Variants in PTPRM observed in about 807,000 individuals in gnomAD.
PTPRM encodes protein tyrosine phosphatase receptor type M, also known as receptor-type tyrosine-protein phosphatase mu.
In PTPRM, 47 loss-of-function variants were observed where a neutral mutation model predicts 186.7. The ratio of observed to expected loss-of-function variants is 0.25; its 90% CI spans 0.20 to 0.32. PTPRM has a LOEUF of 0.32. PTPRM is among the 10% of genes least tolerant of loss of function. The pLI, the probability that PTPRM is intolerant of heterozygous loss-of-function variation, is 1.00. For missense variants in PTPRM, 1,494 were observed against 1,865.0 expected (o/e 0.80, Z 3.66); for synonymous variants, 668 against 674.9 (o/e 0.99, Z 0.16).
chr18:7,699,965 C>G (rs1237210474), intron 1 of PTPRM, among the ~76,000 whole-genome samples: 1 of 152,044 alleles, frequency 6.6e-6, no homozygotes, highest in African/African-American at 2.4e-5. Context: ...GCATCCTTTC[C>G]CTCATTGCAC....
intron 14 of PTPRM, among the ~76,000 whole-genome samples, chr18:8,220,062 G>A (rs1325615803): frequency 6.6e-6 from 1 of 152,126 alleles, no homozygotes; most frequent in Non-Finnish European, 1.5e-5. Flanking sequence ...GTTCCTCTTG[G>A]CTACAAGTCA....
At chr18:8,020,616 C>G (rs1291902021) in intron 7 of PTPRM, among the ~76,000 whole-genome samples, 1 of 152,166 alleles carries the variant, frequency 6.6e-6, no homozygotes, top group Non-Finnish European at 1.5e-5. Context: ...GGTGTCTCTG[C>G]TTAATCAGCT....
At chr18:8,313,096 G>C (rs961191204) in intron 20 of PTPRM, among the ~76,000 whole-genome samples, 2 of 152,110 alleles carry the variant, frequency 1.3e-5, no homozygotes, top group African/African-American at 2.4e-5. Context: ...AGGATAAAAG[G>C]GTCCGTCATC....
At chr18:8,344,167 C>T (rs958329813) in intron 23 of PTPRM, among the ~76,000 whole-genome samples, 3 of 152,032 alleles carry the variant, frequency 2.0e-5, no homozygotes, top group African/African-American at 7.2e-5. Context: ...GCCTTTTTTA[C>T]AGTAGGTTGA....
chr18:7,706,268 A>G (rs1264949609), intron 1 of PTPRM, among the ~76,000 whole-genome samples: 1 of 151,826 alleles, frequency 6.6e-6, no homozygotes, highest in African/African-American at 2.4e-5. Context: ...GTCAGTTTTT[A>G]ATTCCTTATT....
intron 9 of PTPRM, among the ~76,000 whole-genome samples, chr18:8,081,393 T>C (rs1228906401): frequency 6.6e-6 from 1 of 152,128 alleles, no homozygotes; most frequent in Admixed American, 6.6e-5. Context: ...TGCAGCAACG[T>C]TTTTTACAGA....
At chr18:7,734,878 A>G (rs891911485) in intron 1 of PTPRM, among the ~76,000 whole-genome samples, 1 of 152,132 alleles carries the variant, frequency 6.6e-6, no homozygotes, top group African/African-American at 2.4e-5. Flanking sequence ...CTCCTCTCTT[A>G]GTTTCAGTGC....
chr18:8,133,036 C>T (rs538681789), intron 13 of PTPRM, among the ~76,000 whole-genome samples: 1 of 152,210 alleles, frequency 6.6e-6, no homozygotes, highest in South Asian at 2.1e-4. Flanking sequence ...CTGGTAGGGT[C>T]ATCTCATGAC....
intron 14 of PTPRM, among the ~76,000 whole-genome samples, chr18:8,197,259 C>CTATT (rs1289090647): frequency 1.3e-5 from 2 of 152,116 alleles, no homozygotes; most frequent in African/African-American, 4.8e-5. Flanking sequence ...AAGGATGTTG[C>CTATT]TATTTACTCA....
At chr18:8,281,709 C>T (rs552635807) in intron 19 of PTPRM, among the ~76,000 whole-genome samples, 3 of 152,208 alleles carry the variant, frequency 2.0e-5, no homozygotes, top group South Asian at 4.1e-4. Context: ...GGTCCACAGA[C>T]GCATTTGAAG....
intron 7 of PTPRM, among the ~76,000 whole-genome samples, chr18:8,031,651 G>A (rs1227873380): frequency 6.6e-6 from 1 of 152,178 alleles, no homozygotes; most frequent in Non-Finnish European, 1.5e-5. Context: ...GAAAACAGTA[G>A]GCAGAGCAGT....
rs531689510 is a variant in PTPRM, at chr18:8,027,668, A to G, written c.1133-42018A>G. ...TAGAACAGGAAGACCCTTAGCCTTTAAAAGTTGATTTTAAGAGAAGAGCAT... is the reference window on the plus strand; with the variant it reads ...TAGAACAGGAAGACCCTTAGCCTTTGAAAGTTGATTTTAAGAGAAGAGCAT... On this transcript the variant is annotated intron_variant, in intron 7 of 32. Coordinates refer to ENST00000580170, the MANE Select transcript of PTPRM (RefSeq NM_001105244.2). Among the ~76,000 whole-genome samples, 243 of 152,334 alleles carry G rather than the reference A, an allele frequency of 1.6e-3. 1 individual carries two copies. Among genetic ancestry groups the G allele is most frequent in the Non-Finnish European group, 2.4e-3 (163 of 68,026 alleles).
intron 19 of PTPRM, among the ~76,000 whole-genome samples, chr18:8,277,871 A>G (rs1334465238): frequency 6.6e-6 from 1 of 152,252 alleles, no homozygotes; most frequent in Non-Finnish European, 1.5e-5. Flanking sequence ...GACTTGAGAT[A>G]GCCATGATTT....
intron 1 of PTPRM, among the ~76,000 whole-genome samples, chr18:7,575,936 T>A (rs1238854441): frequency 6.6e-6 from 1 of 152,180 alleles, no homozygotes; most frequent in African/African-American, 2.4e-5. Context: ...GGGTTAGAAG[T>A]CAGGGCAGGG....
chr18:7,931,855 CTTTCTA>C (rs2051505041), intron 5 of PTPRM, among the ~76,000 whole-genome samples: 1 of 152,060 alleles, frequency 6.6e-6, no homozygotes, highest in Non-Finnish European at 1.5e-5. Context: ...TCTCTCAGGA[CTTTCTA>C]TTTATAATAC....
intron 2 of PTPRM, among the ~76,000 whole-genome samples, chr18:7,793,933 G>A (rs76713908): frequency 0.049 from 7,502 of 152,210 alleles, 289 homozygotes; most frequent in Non-Finnish European, 0.073. Flanking sequence ...ACATCGAGGG[G>A]AACATAGCGG....
At chr18:8,267,484 T>C (rs569924680) in intron 19 of PTPRM, among the ~76,000 whole-genome samples, 3 of 152,336 alleles carry the variant, frequency 2.0e-5, no homozygotes, top group Admixed American at 2.0e-4. Context: ...TTCAATAATT[T>C]TCTGCCTAAT....
chr18:7,588,881 G>GCT (rs1056351714), intron 1 of PTPRM, among the ~76,000 whole-genome samples: 4 of 152,120 alleles, frequency 2.6e-5, no homozygotes, highest in Non-Finnish European at 5.9e-5. Context: ...CTTTACTTTT[G>GCT]CTCTGTTGCC....
chr18:7,936,314 C>G (rs1175150981), intron 5 of PTPRM, among the ~76,000 whole-genome samples: 3 of 152,222 alleles, frequency 2.0e-5, no homozygotes, highest in African/African-American at 7.2e-5. Context: ...GGCATCTTTG[C>G]ACTCTCAGGG....
Sources: gnomAD v4.1 joint callset for allele counts (sites outside exome capture counted in the v4.1 genomes callset) on GRCh38, gnomAD v4.1.1 for gene constraint, MANE v1.5 for transcripts, NCBI Gene and HGNC (gene_info 2026-07-23, HGNC 2026-07-21) for gene names.